The following ABHD12 variants were observed in gnomAD, a reference collection of about 807,000 sequenced individuals.
ABHD12 encodes the protein lysophosphatidylserine lipase ABHD12.
ABHD12 carries 43 observed loss-of-function variants against 58.3 expected under a neutral mutation model. That is an observed-to-expected ratio of 0.74 (90% CI 0.58 to 0.95). The LOEUF is 0.95. Ranked by LOEUF, ABHD12 falls within the 40% of genes least tolerant of loss-of-function variation. ABHD12 has a pLI of 0.00. For missense variants in ABHD12, 539 were observed against 537.2 expected (o/e 1.00, Z -0.03); for synonymous variants, 219 against 211.2 (o/e 1.04, Z -0.32).
chr20:25,361,006 C>T (rs1313902819), intron 1 of ABHD12, among the ~76,000 whole-genome samples: 1 of 152,218 alleles, frequency 6.6e-6, no homozygotes, highest in East Asian at 1.9e-4. Context: ...GTGTGGAGAA[C>T]CCCCAGCCAT....
At position 25,349,664 on chromosome 20, in the gene ABHD12, G is replaced by A. The variant is rs145424778; in HGVS notation, c.192-10313C>T. 7.2e-3 allele frequency among the ~76,000 whole-genome samples: 1,097 copies of A among 152,272 alleles called. 7 individuals carry two copies. Among genetic ancestry groups the A allele is most frequent in the Middle Eastern group, 0.02 (6 of 294 alleles). On this transcript the variant is annotated intron_variant, in intron 1 of 12. Transcript: ENST00000339157. ...CAGACACAAAGGATAAATATTATAT[G>A]ATTCCATTTATGTGATGTACCTAGA... is the stretch of plus-strand genomic sequence containing the variant.
chr20:25,346,557 G>T (rs1178542839), intron 1 of ABHD12, among the ~76,000 whole-genome samples: 3 of 152,176 alleles, frequency 2.0e-5, no homozygotes, highest in African/African-American at 7.2e-5. Context: ...GGCATACCAT[G>T]TGTGGTAGGG....
chr20:25,309,688 G>A (rs2088813345), intron 6 of ABHD12, 113 bp from the exon 7 acceptor site: 3 of 1,510,004 alleles, frequency 2.0e-6, no homozygotes, highest in Non-Finnish European at 9.0e-7. Context: ...GGGCCCGCTT[G>A]GCCCACCCTT....
chr20:25,384,242 A>T (rs1378770360), intron 1 of ABHD12, among the ~76,000 whole-genome samples: 4 of 151,680 alleles, frequency 2.6e-5, no homozygotes, highest in Non-Finnish European at 5.9e-5. Context: ...CGTCTCAAGG[A>T]GTACAGAGTT....
Position 25,311,828 on chromosome 20 carries a change from C to T in ABHD12, c.620-2253G>A, listed in dbSNP as rs192833426. Among the ~76,000 whole-genome samples, 358 of 152,236 alleles carry T rather than the reference C, an allele frequency of 2.4e-3. 1 individual carries two copies. Among genetic ancestry groups the T allele is most frequent in the African/African-American group, 8.4e-3 (351 of 41,540 alleles). On this transcript the variant is annotated intron_variant, in intron 6 of 12. Coordinates refer to ENST00000339157, the MANE Select transcript of ABHD12 (RefSeq NM_001042472.3). ...CAAGCTTTCCTCCCACCTCAGCCTCCTGAGTAGCTGGGATTACAGGCACCT... is the reference window on the plus strand; with the variant it reads ...CAAGCTTTCCTCCCACCTCAGCCTCTTGAGTAGCTGGGATTACAGGCACCT...
intron 1 of ABHD12, among the ~76,000 whole-genome samples, chr20:25,367,865 A>G (rs1200398471): frequency 6.6e-6 from 1 of 152,236 alleles, no homozygotes; most frequent in Non-Finnish European, 1.5e-5. Context: ...TGGGTGTACA[A>G]ATAAATGGCT....
chr20:25,313,690 G>A (rs2145951061), intron 6 of ABHD12, among the ~76,000 whole-genome samples: 3 of 152,260 alleles, frequency 2.0e-5, no homozygotes, highest in Admixed American at 2.0e-4. Flanking sequence ...GCTGAGTTGG[G>A]AAGATCACTT....
At chr20:25,385,787 C>A (rs1422386768) in intron 1 of ABHD12, among the ~76,000 whole-genome samples, 1 of 152,042 alleles carries the variant, frequency 6.6e-6, no homozygotes, top group Non-Finnish European at 1.5e-5. Context: ...TTAAAAAATT[C>A]TTAAGCTGGC....
Position 25,300,680 on chromosome 20 carries a change from C to T in ABHD12, c.*165G>A, listed in dbSNP as rs960454375. On this transcript the variant is annotated 3_prime_UTR_variant, in exon 13 of 13. Transcript: ENST00000339157. ...TGCTCAGGCCTCCGGGCACTGCAGG[C>T]CTGCAGGGGCCTCCCCGCCTGGGAT... The T allele has an allele frequency of 4.6e-6, 7 of 1,528,342 alleles. No homozygotes were observed. The African/African-American group carries it at 6.9e-5, about 15-fold the overall frequency. 94.7% of individuals were successfully genotyped at this position (1,528,342 alleles called of 1,614,324 possible).
At chr20:25,368,795 G>A (rs2089860153) in intron 1 of ABHD12, 3 of 709,918 alleles carry the variant, frequency 4.2e-6, no homozygotes, top group Non-Finnish European at 5.0e-6. Flanking sequence ...CCCAGCGGCG[G>A]TGGCATCTGC....
chr20:25,390,707 G>A lies in ABHD12; in HGVS notation c.-4C>T, dbSNP rs1419504927. ...CGGGCTCGGTCCGCTTCCTCATCCC[G>A]CGGCCGACAGGGCCAGCCGCCGACG... On this transcript the variant is annotated 5_prime_UTR_variant, in exon 1 of 13. Transcript: ENST00000339157. 3 of 1,377,394 alleles carry A rather than the reference G, an allele frequency of 2.2e-6. No homozygotes were observed. The highest frequency in any genetic ancestry group is 1.6e-5 in the South Asian group (1 of 64,232). 85.3% of individuals were successfully genotyped at this position (1,377,394 alleles called of 1,614,324 possible). A position where few individuals can be genotyped will look rare whatever the true frequency, so the allele number is the denominator to read the frequency against.
intron 5 of ABHD12, among the ~76,000 whole-genome samples, chr20:25,315,291 C>T (rs1211687534): frequency 6.6e-6 from 1 of 152,100 alleles, no homozygotes; most frequent in Non-Finnish European, 1.5e-5. Context: ...GGGCGGCCTC[C>T]TCTGGAGGCA....
intron 1 of ABHD12, among the ~76,000 whole-genome samples, chr20:25,386,948 G>C (rs932195978): frequency 2.0e-5 from 3 of 152,078 alleles, no homozygotes; most frequent in Non-Finnish European, 2.9e-5. Context: ...TTTATCCCAG[G>C]AATACAATGA....
rs752915893 is a variant in ABHD12 at position 25,309,518 on chromosome 20, T to A, written c.677A>T (p.His226Leu). ...TCTTGCTTTGATCCAGTCAAAAACG[T>A]GGAGTGCGTCATAGGTCATGCCCCG... ...SERGMTYDAL[H>L]VFDWIKARSG... The change falls in exon 7 of 13, where the codon CAC becomes CTC. Residue 226 changes from histidine to leucine, a missense_variant. Transcript: ENST00000339157. 2.5e-6 allele frequency: 4 copies of A among 1,614,206 alleles called. No individual in the cohort carries two copies. Among genetic ancestry groups the A allele is most frequent in the Non-Finnish European group, 3.4e-6 (4 of 1,180,024 alleles).
At chr20:25,372,936 ACT>A (rs995438256) in intron 1 of ABHD12, among the ~76,000 whole-genome samples, 2 of 152,186 alleles carry the variant, frequency 1.3e-5, no homozygotes, top group African/African-American at 4.8e-5. Context: ...CCTATACTGT[ACT>A]GTTTTTTATC....
chr20:25,360,948 G>A (rs1023678327), intron 1 of ABHD12, among the ~76,000 whole-genome samples: 7 of 152,326 alleles, frequency 4.6e-5, no homozygotes, highest in African/African-American at 1.2e-4. Flanking sequence ...TTTGGACTAC[G>A]AAGGCCAGAT....
intron 1 of ABHD12, among the ~76,000 whole-genome samples, chr20:25,366,191 G>C (rs1466460811): frequency 6.6e-6 from 1 of 151,396 alleles, no homozygotes; most frequent in East Asian, 1.9e-4. Flanking sequence ...CTTTACCTAT[G>C]AGTTGCAAAT....
intron 1 of ABHD12, among the ~76,000 whole-genome samples, chr20:25,359,967 G>A (rs998277159): frequency 6.6e-6 from 1 of 151,898 alleles, no homozygotes; most frequent in African/African-American, 2.4e-5. Flanking sequence ...TTTTATTTAG[G>A]ATTTTTTAAA....
chr20:25,328,117 AAG>A (rs1286417699), intron 2 of ABHD12, among the ~76,000 whole-genome samples: 1 of 152,018 alleles, frequency 6.6e-6, no homozygotes, highest in East Asian at 1.9e-4. Flanking sequence ...AAAAAAAAAA[AAG>A]AACACAGCCA....
Sources: allele counts gnomAD v4.1 joint callset (sites outside exome capture counted in the v4.1 genomes callset), GRCh38; gene constraint gnomAD v4.1.1; transcripts MANE v1.5; gene names NCBI Gene and HGNC (gene_info 2026-07-23, HGNC 2026-07-21).